AP1M1: variants seen among roughly 807,000 people sequenced by gnomAD.
AP1M1 encodes the protein AP-1 complex subunit mu-1.
AP1M1 carries 18 observed loss-of-function variants against 57.1 expected under a neutral mutation model. The observed-to-expected ratio is 0.32, with a 90% CI of 0.22 to 0.47. The LOEUF is 0.47. Among genes scored for constraint, AP1M1 ranks in the 20% least tolerant of loss-of-function variants. AP1M1 has a pLI of 1.00. For synonymous variants in AP1M1, 241 were observed against 237.9 expected (o/e 1.01, Z -0.12); for missense variants, 362 against 593.5 (o/e 0.61, Z 4.05).
intron 10 of AP1M1, 62 bp from the exon 11 acceptor site, chr19:16,234,137 T>G: frequency 5.9e-6 from 9 of 1,518,974 alleles, no homozygotes; most frequent in Non-Finnish European, 7.1e-6. Context: ...GCAGGAAAGA[T>G]TAAGGGGGGA....
chr19:16,228,273 C>A lies in AP1M1; in HGVS notation c.888+65C>A. ...TCTCTGGCCCGTCCCAGGAGCCTAA[C>A]CGAGGGCTGGGGGTGCCGTAGGGCT... On this transcript the variant is annotated intron_variant, in intron 8 of 11. Coordinates refer to ENST00000291439, the MANE Select transcript of AP1M1 (RefSeq NM_032493.4). This position sits in a 1 kb window ranked among gnomAD's most constrained non-coding sequence, Gnocchi z 5.0. The A allele has an allele frequency of 6.5e-7, 1 of 1,545,718 alleles. No individual in the cohort carries two copies. The highest frequency in any genetic ancestry group is 8.9e-7 in the Non-Finnish European group (1 of 1,129,106).
Position 16,227,729 on chromosome 19 carries a change from C to A in AP1M1, c.816+39C>A, listed in dbSNP as rs766446271. The A allele has an allele frequency of 1.2e-5, 19 of 1,598,734 alleles. No individual in the cohort carries two copies. The South Asian group carries it at 1.8e-4, about 15-fold the overall frequency. On this transcript the variant is annotated intron_variant, in intron 7 of 11. Transcript: ENST00000291439. This position sits in a 1 kb window ranked among gnomAD's most constrained non-coding sequence, Gnocchi z 6.2. ...CCTGGGGCTGGGCTGTCGGCAGACT[C>A]CTCCTCCCCTTCACCTCCAGGAGGT...
At chr19:16,232,456 T>A (rs1430387288) in intron 9 of AP1M1, among the ~76,000 whole-genome samples, 5 of 152,260 alleles carry the variant, frequency 3.3e-5, no homozygotes, top group Admixed American at 2.6e-4. Flanking sequence ...TTGCTAAGGT[T>A]CAGATTTGGG....
At chr19:16,208,976 C>T (rs2091481535) in intron 4 of AP1M1, 54 bp from the exon 5 acceptor site, 4 of 1,576,862 alleles carry the variant, frequency 2.5e-6, no homozygotes, top group Admixed American at 3.5e-5. Flanking sequence ...AGGCCAGAAG[C>T]TGTGGCGTTG....
intron 5 of AP1M1, among the ~76,000 whole-genome samples, chr19:16,224,258 G>A (rs2091559965): frequency 6.6e-6 from 1 of 152,246 alleles, no homozygotes; most frequent in Non-Finnish European, 1.5e-5. Flanking sequence ...GTCCATCTGG[G>A]TGCTGTGGGG....
chr19:16,221,442 T>C (rs2091544023), intron 5 of AP1M1, among the ~76,000 whole-genome samples: 1 of 152,250 alleles, frequency 6.6e-6, no homozygotes, highest in Non-Finnish European at 1.5e-5. Context: ...TGCTGCTGTG[T>C]CCTATCTCCA....
At position 16,203,579 on chromosome 19, in the gene AP1M1, G is replaced by T. The variant is rs781205990; in HGVS notation, c.163G>T (p.Val55Phe). The T allele has an allele frequency of 1.2e-6, 2 of 1,613,838 alleles. No individual in the cohort carries two copies. Among genetic ancestry groups the T allele is most frequent in the African/African-American group, 1.3e-5 (1 of 75,042 alleles). Residue 55 changes from valine (V) to phenylalanine (F), a missense_variant, in exon 2 of 12, where the codon GTC (valine) becomes TTC (phenylalanine). Transcript: ENST00000291439. The surrounding 1 kb of genome is among the most constrained non-coding windows in gnomAD (Gnocchi z 4.6). ...MLSPILAHGG[V>F]RFMWIKHNNL... is the part of the protein sequence containing the mutation. ...GTCGCCCATCCTGGCCCACGGGGGG[G>T]TCCGTTTCATGTGGATCAAACACAA... is the stretch of plus-strand genomic sequence containing the variant.
At chr19:16,231,754 A>G (rs1287344693) in intron 9 of AP1M1, among the ~76,000 whole-genome samples, 1 of 152,156 alleles carries the variant, frequency 6.6e-6, no homozygotes, top group Non-Finnish European at 1.5e-5. Context: ...GTGCACAAAT[A>G]CCTCTTCAAG....
At chr19:16,225,977 G>A (rs2091569336) in intron 5 of AP1M1, among the ~76,000 whole-genome samples, 3 of 152,104 alleles carry the variant, frequency 2.0e-5, no homozygotes, top group South Asian at 4.1e-4. Flanking sequence ...AGGTCCAGCC[G>A]AGCTCATGGA....
chr19:16,205,573 C>T (rs1480713339), intron 2 of AP1M1, among the ~76,000 whole-genome samples: 1 of 152,086 alleles, frequency 6.6e-6, no homozygotes, highest in Non-Finnish European at 1.5e-5. Flanking sequence ...CCTGGGCAGA[C>T]GAGCCAGGCA....
intron 5 of AP1M1, among the ~76,000 whole-genome samples, chr19:16,215,194 C>CAGGGGCGGGGGGGGG (rs1568350995): frequency 1.0e-3 from 2 of 1,922 alleles, no homozygotes; most frequent in Non-Finnish European, 2.7e-3. Context: ...GAGGCTAAGG[C>CAGGGGCGGGGGGGGG]GGGGGCGGGG....
chr19:16,210,543 C>T lies in AP1M1; in HGVS notation c.546+1366C>T, dbSNP rs149022948. The T allele has an allele frequency of 8.6e-4, 511 of 593,624 alleles. 2 individuals carry two copies. The African/African-American group carries it at 8.7e-3, about 10-fold the overall frequency. The allele number at this position is 593,624 out of a possible 1,614,324, so 36.8% of individuals were successfully genotyped here. ...TAATAGGTATGTAGTAGTATGTCAGCACAGTTTTGTGTTTTGTTTTTGTTT... is the reference window on the plus strand; with the variant it reads ...TAATAGGTATGTAGTAGTATGTCAGTACAGTTTTGTGTTTTGTTTTTGTTT... On this transcript the variant is annotated intron_variant, in intron 5 of 11. Coordinates refer to ENST00000291439, the MANE Select transcript of AP1M1 (RefSeq NM_032493.4).
chr19:16,222,214 T>A (rs560960024), intron 5 of AP1M1, among the ~76,000 whole-genome samples: 207 of 147,682 alleles, frequency 1.4e-3, no homozygotes, highest in Middle Eastern at 3.4e-3. Context: ...TATTATTATT[T>A]TTTTTTTTTT....
intron 5 of AP1M1, among the ~76,000 whole-genome samples, chr19:16,216,937 G>A (rs890012029): frequency 2.6e-5 from 4 of 152,256 alleles, no homozygotes; most frequent in Non-Finnish European, 4.4e-5. Context: ...ACAGCGGGGT[G>A]CACGCTTATC....
chr19:16,203,589 T>C lies in AP1M1; in HGVS notation c.173T>C (p.Met58Thr). Residue 58 changes from methionine (M) to threonine (T), a missense_variant, in exon 2 of 12, where the codon ATG (methionine) becomes ACG (threonine). This residue lies in a region of AP1M1 where 337 missense variants were observed against 511.1 expected (regional missense o/e 0.66). Transcript: ENST00000291439. The surrounding 1 kb of genome is among the most constrained non-coding windows in gnomAD (Gnocchi z 4.6). ...PILAHGGVRF[M>T]WIKHNNLYLV... ...CTGGCCCACGGGGGGGTCCGTTTCATGTGGATCAAACACAACAACCTGTAT... is the reference window on the plus strand; with the variant it reads ...CTGGCCCACGGGGGGGTCCGTTTCACGTGGATCAAACACAACAACCTGTAT... 1 of 1,613,410 alleles carries C rather than the reference T, an allele frequency of 6.2e-7. No individual in the cohort carries two copies.
At chr19:16,210,852 G>A (rs781390507) in intron 5 of AP1M1, among the ~76,000 whole-genome samples, 38 of 152,262 alleles carry the variant, frequency 2.5e-4, no homozygotes, top group Non-Finnish European at 4.7e-4. Context: ...GAGCTACCAC[G>A]CCTGGCCTAT....
rs867753392 is a variant in AP1M1, at chr19:16,203,694, A to G, written c.199+79A>G. 3 of 1,480,444 alleles carry G rather than the reference A, an allele frequency of 2.0e-6. No individual in the cohort carries two copies. The highest frequency in any genetic ancestry group is 2.6e-5 in the South Asian group (2 of 76,432). The allele number at this position is 1,480,444 out of a possible 1,614,324, so 91.7% of individuals were successfully genotyped here. A position where few individuals can be genotyped will look rare whatever the true frequency, so the allele number is the denominator to read the frequency against. On this transcript the variant is annotated intron_variant, in intron 2 of 11. Coordinates refer to ENST00000291439, the MANE Select transcript of AP1M1 (RefSeq NM_032493.4). This position sits in a 1 kb window ranked among gnomAD's most constrained non-coding sequence, Gnocchi z 4.6. ...TGTGCATATCCACACGCCTGCAAGC[A>G]GGGCTGGTTTGTGCACAGCGCAAGC...
chr19:16,231,814 A>T lies in AP1M1; in HGVS notation c.1048-1679A>T, dbSNP rs557183472. Among the ~76,000 whole-genome samples the T allele has an allele frequency of 1.3e-3, 195 of 152,322 alleles. 7 individuals carry two copies. The highest frequency in any genetic ancestry group is 1.0e-3 in the Non-Finnish European group (68 of 68,030). ...GTATCCCCAGAAGTGGAATTGCTGG[A>T]TCATATGGTGATTCTATTTTCAACT... is the stretch of plus-strand genomic sequence containing the variant. On this transcript the variant is annotated intron_variant, in intron 9 of 11. Transcript: ENST00000291439.
At chr19:16,224,165 C>G (rs2091559365) in intron 5 of AP1M1, among the ~76,000 whole-genome samples, 1 of 152,240 alleles carries the variant, frequency 6.6e-6, no homozygotes, top group African/African-American at 2.4e-5. Context: ...TCTTACTTTC[C>G]GGGACGGGAC....
Sources: allele counts gnomAD v4.1 joint callset (sites outside exome capture counted in the v4.1 genomes callset), GRCh38; gene constraint gnomAD v4.1.1; regional missense constraint gnomAD v4.1.1; non-coding constraint Gnocchi (gnomAD v3.1); transcripts MANE v1.5; gene names NCBI Gene and HGNC (gene_info 2026-07-23, HGNC 2026-07-21).